GSE1: variants seen among roughly 807,000 people sequenced by gnomAD.
GSE1 encodes Gse1 coiled-coil protein.
A neutral mutation model predicts 112.6 loss-of-function variants in GSE1; 32 were observed. That is an observed-to-expected ratio of 0.28 (90% CI 0.21 to 0.38). The LOEUF is 0.38. Ranked by LOEUF, GSE1 falls within the 10% of genes least tolerant of loss-of-function variation. GSE1 has a pLI of 1.00. For missense variants in GSE1, 2,348 were observed against 1,699.2 expected (o/e 1.38, Z -6.71); for synonymous variants, 1,115 against 735.6 (o/e 1.52, Z -8.35).
intron 2 of GSE1, among the ~76,000 whole-genome samples, chr16:85,432,032 A>C (rs1209414613): frequency 6.6e-6 from 1 of 152,208 alleles, no homozygotes; most frequent in Non-Finnish European, 1.5e-5. Context: ...CGCACACCGG[A>C]GGTGACCGTC....
intron 1 of GSE1, chr16:85,285,071 GT>G (rs1206600556): frequency 2.0e-5 from 3 of 152,236 alleles, no homozygotes; most frequent in African/African-American, 7.2e-5. Flanking sequence ...TCGTTTCAAA[GT>G]ATCTCTCCAT....
intron 2 of GSE1, among the ~76,000 whole-genome samples, chr16:85,399,279 G>GC (rs982093058): frequency 6.6e-6 from 1 of 152,090 alleles, no homozygotes; most frequent in Admixed American, 6.5e-5. Context: ...CGTCTGCTGG[G>GC]CCCCCCCAGC....
At chr16:85,608,535 C>T (rs981554752), upstream of GSE1, among the ~76,000 whole-genome samples, 2 of 152,128 alleles carry the variant, frequency 1.3e-5, no homozygotes, top group African/African-American at 4.8e-5. Flanking sequence ...TGTCGTACCC[C>T]TGCAGGTGTA....
At chr16:85,301,022 G>C (rs1053095248) in intron 1 of GSE1, among the ~76,000 whole-genome samples, 5 of 152,152 alleles carry the variant, frequency 3.3e-5, no homozygotes, top group African/African-American at 1.2e-4. Flanking sequence ...CCCTCCTCCA[G>C]GGGCCACCTT....
rs983938868 is a variant in GSE1 at position 85,493,923 on chromosome 16, GA to G, written c.2464+136290del. Among the ~76,000 whole-genome samples, 71 of 149,130 alleles carry G rather than the reference GA, an allele frequency of 4.8e-4. 1 individual carries two copies. The highest frequency in any genetic ancestry group is 7.0e-3 in the Middle Eastern group (2 of 284). On this transcript the variant is annotated intron_variant, in intron 2 of 2. Transcript: ENST00000637419. ...AAGTGAGACCTTGTCTCTACAAAAA[GA>G]AAAAAAAAATTAGCTTGACATGGTA...
intron 2 of GSE1, among the ~76,000 whole-genome samples, chr16:85,443,794 AGGTCCCTCTGCCT>A (rs1371844662): frequency 2.6e-5 from 4 of 152,174 alleles, no homozygotes; most frequent in African/African-American, 9.6e-5. Context: ...AGTGCCAGGC[AGGTCCCTCTGCCT>A]GGGTGCCCCA....
intron 2 of GSE1, among the ~76,000 whole-genome samples, chr16:85,536,577 C>T (rs546771553): frequency 5.9e-5 from 9 of 152,194 alleles, no homozygotes; most frequent in East Asian, 3.9e-4. Flanking sequence ...TTCACACGGT[C>T]GGGTGGCAGC....
At chr16:85,509,780 A>T (rs948567368) in intron 2 of GSE1, among the ~76,000 whole-genome samples, 2 of 152,028 alleles carry the variant, frequency 1.3e-5, no homozygotes, top group African/African-American at 4.8e-5. Context: ...CGTGAGGGTA[A>T]ATGTGTGTGT....
chr16:85,390,727 G>A (rs868575967), intron 2 of GSE1, among the ~76,000 whole-genome samples: 2 of 7,170 alleles, frequency 2.8e-4, no homozygotes, highest in African/African-American at 4.9e-4. Context: ...CCCCGCCACC[G>A]CCCAGCTCTG....
At chr16:85,193,725 C>T (rs1476635113) in intron 1 of GSE1, among the ~76,000 whole-genome samples, 2 of 152,206 alleles carry the variant, frequency 1.3e-5, no homozygotes, top group Non-Finnish European at 2.9e-5. Flanking sequence ...TCCCAAAGTG[C>T]TGGGATTACA....
intron 2 of GSE1, chr16:85,462,991 C>G (rs1257692082): frequency 2.2e-5 from 10 of 463,382 alleles, no homozygotes; most frequent in African/African-American, 1.5e-4. Flanking sequence ...TCTGCCGCCC[C>G]GTGACGCCCC....
At chr16:85,542,369 A>G (rs1257304774) in intron 2 of GSE1, among the ~76,000 whole-genome samples, 6 of 152,204 alleles carry the variant, frequency 3.9e-5, no homozygotes, top group Admixed American at 3.9e-4. Flanking sequence ...ATTTCGTCCA[A>G]GTGTCCTACA....
chr16:85,470,755 C>T (rs2050268745), intron 2 of GSE1, among the ~76,000 whole-genome samples: 2 of 152,076 alleles, frequency 1.3e-5, no homozygotes, highest in Non-Finnish European at 1.5e-5. Context: ...CTTCCCTTAC[C>T]CCCACAGCTG....
chr16:85,293,861 C>G (rs2045290910), intron 1 of GSE1, among the ~76,000 whole-genome samples: 1 of 152,174 alleles, frequency 6.6e-6, no homozygotes, highest in Non-Finnish European at 1.5e-5. Context: ...TGGATGGGGA[C>G]CCACCTTAAC....
chr16:85,587,229 A>C (rs2046748178), intron 1 of GSE1, among the ~76,000 whole-genome samples: 1 of 151,954 alleles, frequency 6.6e-6, no homozygotes, highest in Non-Finnish European at 1.5e-5. Flanking sequence ...AGATGAAAAC[A>C]GGAAAGAGCG....
At chr16:85,578,718 C>T (rs1446036328) in intron 1 of GSE1, among the ~76,000 whole-genome samples, 3 of 152,112 alleles carry the variant, frequency 2.0e-5, no homozygotes, top group Admixed American at 2.0e-4. Flanking sequence ...GCATTCTCTG[C>T]CTCCACTACC....
intron 2 of GSE1, among the ~76,000 whole-genome samples, chr16:85,404,825 C>G (rs796349405): frequency 4.1e-3 from 86 of 20,924 alleles, no homozygotes; most frequent in Non-Finnish European, 4.7e-3. Flanking sequence ...TACTCTCAGG[C>G]CCCCCTGGAT....
intron 8 of GSE1, 33 bp downstream of exon 8, chr16:85,657,637 G>A (rs945555784): frequency 1.5e-5 from 21 of 1,410,074 alleles, no homozygotes; most frequent in East Asian, 2.5e-5. Context: ...GGAGGGATGA[G>A]CCTTCACGTT....
At chr16:85,650,525 T>A (rs2051245082) in intron 3 of GSE1, among the ~76,000 whole-genome samples, 1 of 152,174 alleles carries the variant, frequency 6.6e-6, no homozygotes, top group Admixed American at 6.5e-5. Context: ...TTCCAGCGCC[T>A]TTTCCGGCGA....
Sources: allele counts gnomAD v4.1 joint callset (sites outside exome capture counted in the v4.1 genomes callset), GRCh38; gene constraint gnomAD v4.1.1; transcripts MANE v1.5; gene names NCBI Gene and HGNC (gene_info 2026-07-23, HGNC 2026-07-21).